Variants in PTPN14 observed in about 807,000 individuals in gnomAD.
PTPN14 encodes the protein protein tyrosine phosphatase non-receptor type 14.
PTPN14 carries 53 observed loss-of-function variants against 126.8 expected under a neutral mutation model. That is an observed-to-expected ratio of 0.42 (90% CI 0.34 to 0.53). The LOEUF (loss-of-function observed/expected upper bound fraction) is 0.53. PTPN14 is among the 20% of genes least tolerant of loss of function. The pLI, the probability that PTPN14 is intolerant of heterozygous loss-of-function variation, is 0.08. For missense variants in PTPN14, 1,257 were observed against 1,552.9 expected, an observed-to-expected ratio of 0.81 and a Z score of 3.20; for synonymous variants, 630 against 599.3, an observed-to-expected ratio of 1.05 and a Z score of -0.75.
At chr1:214,472,708 T>C (rs972685937) in intron 1 of PTPN14, among the ~76,000 whole-genome samples, 5 of 152,176 alleles carry the variant, frequency 3.3e-5, no homozygotes, top group Admixed American at 2.0e-4. Flanking sequence ...GGATGAGAGT[T>C]AAGTTATTCC....
At chr1:214,526,156 GGT>G (rs1655391159) in intron 1 of PTPN14, among the ~76,000 whole-genome samples, 1 of 151,562 alleles carries the variant, frequency 6.6e-6, no homozygotes, top group African/African-American at 2.4e-5. Flanking sequence ...AGTAGACAGG[GGT>G]TTTCACCATG....
chr1:214,410,300 CTT>C (rs55645471), intron 5 of PTPN14, among the ~76,000 whole-genome samples: 4 of 135,164 alleles, frequency 3.0e-5, no homozygotes, highest in African/African-American at 5.4e-5. Flanking sequence ...TTTTTTTTTT[CTT>C]TTTTTTTTTT....
At chr1:214,523,673 G>A (rs961910475) in intron 1 of PTPN14, among the ~76,000 whole-genome samples, 1 of 152,124 alleles carries the variant, frequency 6.6e-6, no homozygotes, top group Admixed American at 6.5e-5. Flanking sequence ...CAGTTTCAGT[G>A]ACCCCACTTC....
intron 1 of PTPN14, among the ~76,000 whole-genome samples, chr1:214,506,906 C>T (rs187214573): frequency 3.7e-5 from 5 of 136,542 alleles, no homozygotes; most frequent in East Asian, 2.0e-4. Flanking sequence ...AACAAGAGCG[C>T]GGGTTTTTTT....
intron 1 of PTPN14, among the ~76,000 whole-genome samples, chr1:214,549,440 C>T (rs1656050721): frequency 6.6e-6 from 1 of 152,150 alleles, no homozygotes; most frequent in South Asian, 2.1e-4. Context: ...AAAAGTATAA[C>T]AAACTTAGTG....
At chr1:214,494,830 G>A (rs928205915) in intron 1 of PTPN14, among the ~76,000 whole-genome samples, 1 of 152,182 alleles carries the variant, frequency 6.6e-6, no homozygotes, top group African/African-American at 2.4e-5. Context: ...AATATTCAAG[G>A]AAAAGGAAGA....
chr1:214,511,043 T>C (rs527635218), intron 1 of PTPN14, among the ~76,000 whole-genome samples: 1 of 145,286 alleles, frequency 6.9e-6, no homozygotes, highest in Non-Finnish European at 1.5e-5. Context: ...CAGGCCAAAC[T>C]AAGTCTTTGG....
intron 1 of PTPN14, among the ~76,000 whole-genome samples, chr1:214,518,243 T>C (rs1037280159): frequency 3.2e-4 from 48 of 152,282 alleles, no homozygotes; most frequent in African/African-American, 1.1e-3. Flanking sequence ...ATGTCAGAGA[T>C]ATTTCTACCC....
At position 214,357,837 on chromosome 1, in the gene PTPN14, G is replaced by GA. The variant is rs1657859002; in HGVS notation, c.*84_*85insT. The stretch of plus-strand genomic sequence containing the variant: ...TTTGCTGCCAGCCACCTGCACCCCT[G>GA]TGGGGGGAGCAGATGTTGTCTGGAG... On this transcript the variant is annotated 3_prime_UTR_variant, in exon 19 of 19. Transcript: ENST00000366956. The GA allele has an allele frequency of 7.7e-7, 1 of 1,299,354 alleles. No individual in the cohort carries two copies. The highest frequency in any genetic ancestry group is 1.5e-5 in the African/African-American group (1 of 68,900). The allele number at this position is 1,299,354 out of a possible 1,614,324, so 80.5% of individuals were successfully genotyped here.
At chr1:214,474,663 C>G (rs958363390) in intron 1 of PTPN14, among the ~76,000 whole-genome samples, 1 of 152,132 alleles carries the variant, frequency 6.6e-6, no homozygotes, top group Non-Finnish European at 1.5e-5. Flanking sequence ...CTCCATAACC[C>G]GGAAGCACTT....
intron 1 of PTPN14, among the ~76,000 whole-genome samples, chr1:214,507,815 T>G (rs1027427277): frequency 1.3e-5 from 2 of 152,166 alleles, no homozygotes; most frequent in Admixed American, 1.3e-4. Context: ...AAAAGCATCA[T>G]GTCTAAAAAG....
intron 1 of PTPN14, among the ~76,000 whole-genome samples, chr1:214,534,352 T>C (rs1003384638): frequency 2.6e-5 from 4 of 152,152 alleles, no homozygotes; most frequent in African/African-American, 9.7e-5. Context: ...TTTGTAATAG[T>C]TAAAATTGGG....
intron 11 of PTPN14, among the ~76,000 whole-genome samples, chr1:214,390,325 T>C (rs1217160296): frequency 6.6e-6 from 1 of 152,238 alleles, no homozygotes; most frequent in Non-Finnish European, 1.5e-5. Context: ...AACACATGCA[T>C]TGAAATTAAT....
chr1:214,447,089 T>C (rs1331885071), intron 3 of PTPN14, among the ~76,000 whole-genome samples: 3 of 152,104 alleles, frequency 2.0e-5, no homozygotes, highest in Non-Finnish European at 4.4e-5. Context: ...CCAAAGCCCA[T>C]CTCCACCTGA....
At chr1:214,400,153 C>T (rs1488886183) in intron 7 of PTPN14, among the ~76,000 whole-genome samples, 1 of 152,106 alleles carries the variant, frequency 6.6e-6, no homozygotes, top group African/African-American at 2.4e-5. Flanking sequence ...TCAATAAGAA[C>T]CTGTACCAAT....
intron 1 of PTPN14, among the ~76,000 whole-genome samples, chr1:214,485,621 G>A (rs112026853): frequency 6.6e-6 from 1 of 152,302 alleles, no homozygotes; most frequent in African/African-American, 2.4e-5. Flanking sequence ...TCCAACCACT[G>A]AGTAATACAG....
intron 3 of PTPN14, among the ~76,000 whole-genome samples, chr1:214,433,947 CACACAA>C (rs1297875703): frequency 1.7e-4 from 4 of 23,336 alleles, no homozygotes; most frequent in Admixed American, 4.6e-4. Flanking sequence ...CACACACACA[CACACAA>C]AAAAAAAAAA....
chr1:214,479,172 C>A (rs942624443), intron 1 of PTPN14, among the ~76,000 whole-genome samples: 8 of 151,850 alleles, frequency 5.3e-5, no homozygotes, highest in Admixed American at 2.0e-4. Context: ...AAAGCAAGAC[C>A]CACATCTCTA....
At chr1:214,449,109 C>T (rs545845649) in intron 3 of PTPN14, among the ~76,000 whole-genome samples, 18 of 149,186 alleles carry the variant, frequency 1.2e-4, no homozygotes, top group Non-Finnish European at 2.4e-4. Flanking sequence ...TGGGTTCATG[C>T]CATTCTCCTG....
Sources: allele counts gnomAD v4.1 joint callset (sites outside exome capture counted in the v4.1 genomes callset), GRCh38; gene constraint gnomAD v4.1.1; transcripts MANE v1.5; gene names NCBI Gene and HGNC (gene_info 2026-07-23, HGNC 2026-07-21).